The following OR9Q1 variants were observed in gnomAD, a reference collection of about 807,000 sequenced individuals.
OR9Q1 encodes olfactory receptor family 9 subfamily Q member 1.
For synonymous variants in OR9Q1, 153 were observed against 148.6 expected, an observed-to-expected ratio of 1.03 and a Z score of -0.22; for missense variants, 374 against 378.8, an observed-to-expected ratio of 0.99 and a Z score of 0.11.
At chr11:58,146,988 C>T (rs1411959650) in intron 2 of OR9Q1, among the ~76,000 whole-genome samples, 1 of 152,096 alleles carries the variant, frequency 6.6e-6, no homozygotes, top group Non-Finnish European at 1.5e-5. Flanking sequence ...TTAAAAGATT[C>T]CTTTGGCTGC....
intron 1 of OR9Q1, among the ~76,000 whole-genome samples, chr11:58,025,266 C>T (rs1289721731): frequency 2.6e-5 from 4 of 152,146 alleles, no homozygotes; most frequent in Non-Finnish European, 5.9e-5. Flanking sequence ...CTCCGCCTCC[C>T]GGGTTCAAGA....
chr11:58,084,740 A>T (rs1301998564), intron 2 of OR9Q1, among the ~76,000 whole-genome samples: 18 of 151,916 alleles, frequency 1.2e-4, no homozygotes, highest in Non-Finnish European at 1.5e-5. Flanking sequence ...AAAATGCAAC[A>T]TCCTTTCATG....
chr11:58,026,573 T>C (rs1426237158), intron 1 of OR9Q1: 1 of 150,894 alleles, frequency 6.6e-6, no homozygotes, highest in East Asian at 2.0e-4. Flanking sequence ...TCCCAGCTAC[T>C]TGGGAGGCTG....
intron 2 of OR9Q1, among the ~76,000 whole-genome samples, chr11:58,156,439 T>C (rs1458579446): frequency 6.6e-6 from 1 of 152,176 alleles, no homozygotes; most frequent in Non-Finnish European, 1.5e-5. Context: ...CAAAACTACT[T>C]TGTTAGTAGT....
chr11:58,179,314 G>GCACCTGGCA, intron 2 of OR9Q1, 117 bp from the exon 3 acceptor site: 2 of 646,808 alleles, frequency 3.1e-6, no homozygotes, highest in Non-Finnish European at 2.6e-6. Context: ...GTGAGCCACA[G>GCACCTGGCA]CACCTGGCAC....
chr11:58,157,942 C>T (rs1444356962), intron 2 of OR9Q1, among the ~76,000 whole-genome samples: 1 of 152,208 alleles, frequency 6.6e-6, no homozygotes, highest in Non-Finnish European at 1.5e-5. Flanking sequence ...CCTTCTCAGG[C>T]TCTCTTAGTC....
chr11:58,079,579 T>C (rs1425538361), intron 2 of OR9Q1, among the ~76,000 whole-genome samples: 2 of 152,132 alleles, frequency 1.3e-5, no homozygotes, highest in African/African-American at 4.8e-5. Context: ...CTTACTTTGA[T>C]AGAGTGTGGT....
chr11:58,118,796 A>G, intron 2 of OR9Q1: 4 of 1,614,112 alleles, frequency 2.5e-6, no homozygotes, highest in Non-Finnish European at 3.4e-6. Flanking sequence ...AGCAGATAGG[A>G]AATCAGGATG....
chr11:58,154,210 G>T (rs1250100814), intron 2 of OR9Q1, among the ~76,000 whole-genome samples: 1 of 151,056 alleles, frequency 6.6e-6, no homozygotes, highest in African/African-American at 2.4e-5. Context: ...GGAGGAGAAG[G>T]AGGAAGGAAA....
chr11:58,031,580 G>T (rs1056727351), intron 1 of OR9Q1: 2 of 1,613,942 alleles, frequency 1.2e-6, no homozygotes, highest in African/African-American at 2.7e-5. Context: ...GTCTCTGGCT[G>T]TGCTACTGGC....
chr11:58,053,856 T>G (rs1285789487), intron 1 of OR9Q1, among the ~76,000 whole-genome samples: 2 of 151,908 alleles, frequency 1.3e-5, no homozygotes, highest in East Asian at 3.9e-4. Context: ...CCCCATCTCC[T>G]TCATCCTCCA....
chr11:58,171,408 C>A (rs1854553506), intron 2 of OR9Q1: 1 of 152,230 alleles, frequency 6.6e-6, no homozygotes, highest in African/African-American at 2.4e-5. Context: ...ATGATTCTGA[C>A]CAGACTAGTT....
chr11:58,178,940 A>AT (rs1163350615), intron 2 of OR9Q1, among the ~76,000 whole-genome samples: 14 of 144,058 alleles, frequency 9.7e-5, no homozygotes, highest in East Asian at 7.8e-4. Flanking sequence ...ATATTTATAT[A>AT]TAATATATAT....
At chr11:58,141,111 C>T (rs1468470725) in intron 2 of OR9Q1, among the ~76,000 whole-genome samples, 1 of 152,038 alleles carries the variant, frequency 6.6e-6, no homozygotes, top group Admixed American at 6.6e-5. Context: ...TGTATAAGAA[C>T]GCTTGTGATT....
At chr11:58,072,187 A>G (rs1365264395) in intron 2 of OR9Q1, among the ~76,000 whole-genome samples, 1 of 152,244 alleles carries the variant, frequency 6.6e-6, no homozygotes, top group East Asian at 1.9e-4. Context: ...TATAATACAT[A>G]CAACAAAAAC....
intron 2 of OR9Q1, among the ~76,000 whole-genome samples, chr11:58,142,738 G>A (rs1854262449): frequency 6.6e-6 from 1 of 152,200 alleles, no homozygotes; most frequent in Admixed American, 6.5e-5. Context: ...CACAGAGATA[G>A]TATTTTCCCA....
chr11:58,112,216 C>G (rs996602138), intron 2 of OR9Q1, among the ~76,000 whole-genome samples: 1 of 152,012 alleles, frequency 6.6e-6, no homozygotes, highest in East Asian at 1.9e-4. Flanking sequence ...TTTCTTGAAC[C>G]CGGGAGGTGG....
chr11:58,062,235 G>A (rs1226288104), intron 2 of OR9Q1, among the ~76,000 whole-genome samples: 1 of 152,226 alleles, frequency 6.6e-6, no homozygotes, highest in Admixed American at 6.5e-5. Flanking sequence ...GTGGCACAAA[G>A]AAATAACTGG....
In OR9Q1 at chr11:58,180,202, C is replaced by A; in HGVS notation, c.758C>A (p.Thr253Asn). ...HLTAVSLFFG[T>N]LIFMYLRGNS... The stretch of plus-strand genomic sequence containing the variant: ...ACTGCTGTGTCACTCTTCTTTGGTA[C>A]CCTCATCTTCATGTACTTGAGAGGT... The change falls in exon 3 of 3, where the codon ACC becomes AAC. Residue 253 changes from threonine (T) to asparagine (N), a missense_variant. Coordinates refer to ENST00000335397, the MANE Select transcript of OR9Q1 (RefSeq NM_001005212.4). 7 of 1,614,010 alleles carry A rather than the reference C, an allele frequency of 4.3e-6. No homozygotes were observed. Among genetic ancestry groups the A allele is most frequent in the Non-Finnish European group, 5.9e-6 (7 of 1,179,952 alleles).
Sources: allele counts gnomAD v4.1 joint callset (sites outside exome capture counted in the v4.1 genomes callset), GRCh38; gene constraint gnomAD v4.1.1; transcripts MANE v1.5; gene names NCBI Gene and HGNC (gene_info 2026-07-23, HGNC 2026-07-21).